The following ACYP2 variants were observed in gnomAD, a reference collection of about 807,000 sequenced individuals.
ACYP2 encodes the protein acylphosphatase-2.
A neutral mutation model predicts 11.2 loss-of-function variants in ACYP2; 12 were observed. That is an observed-to-expected ratio of 1.08 (90% CI 0.69 to 1.74). The LOEUF (loss-of-function observed/expected upper bound fraction) is 1.74. ACYP2 is among the 40% of genes most tolerant of loss of function. ACYP2 has a pLI of 0.00. For synonymous variants in ACYP2, 43 were observed against 32.2 expected, an observed-to-expected ratio of 1.33 and a Z score of -1.13; for missense variants, 134 against 101.9, an observed-to-expected ratio of 1.31 and a Z score of -1.35.
At chr2:54,195,411 A>T (rs7562908) in intron 6 of ACYP2, among the ~76,000 whole-genome samples, 1 of 152,174 alleles carries the variant, frequency 6.6e-6, no homozygotes, top group Non-Finnish European at 1.5e-5. Context: ...CCCTTAAGTA[A>T]GTGTCACTGG....
chr2:54,033,433 G>A (rs1461813304), intron 2 of ACYP2, among the ~76,000 whole-genome samples: 2 of 151,510 alleles, frequency 1.3e-5, no homozygotes, highest in East Asian at 1.9e-4. Flanking sequence ...GGCTGGTCTC[G>A]AACTCTTGGG....
intron 6 of ACYP2, among the ~76,000 whole-genome samples, chr2:54,173,260 T>C (rs1005366264): frequency 1.3e-5 from 2 of 152,240 alleles, no homozygotes; most frequent in African/African-American, 4.8e-5. Context: ...AGATGGTATC[T>C]CATTGTGGTT....
chr2:54,195,932 G>A (rs2103896528), intron 6 of ACYP2, among the ~76,000 whole-genome samples: 1 of 151,178 alleles, frequency 6.6e-6, no homozygotes, highest in African/African-American at 2.4e-5. Flanking sequence ...TGAGTAGCTG[G>A]GATTACAAGC....
At chr2:54,178,428 A>G (rs981087848) in intron 6 of ACYP2, among the ~76,000 whole-genome samples, 3 of 152,192 alleles carry the variant, frequency 2.0e-5, no homozygotes, top group African/African-American at 7.2e-5. Flanking sequence ...GTGACTAAAG[A>G]AACGTATTTT....
intron 4 of ACYP2, 91 bp downstream of exon 1, chr2:54,115,847 T>C (rs1679744198): frequency 2.2e-6 from 3 of 1,376,704 alleles, no homozygotes; most frequent in Non-Finnish European, 2.9e-6. Flanking sequence ...AAGTATGCCT[T>C]TTCCCGTTGT....
chr2:53,989,365 T>C (rs974387968), intron 2 of ACYP2, among the ~76,000 whole-genome samples: 2 of 149,918 alleles, frequency 1.3e-5, no homozygotes, highest in Non-Finnish European at 3.0e-5. Context: ...GCTAGGATTA[T>C]AGGCATGAGC....
chr2:54,257,664 T>C (rs1687616005), intron 6 of ACYP2, among the ~76,000 whole-genome samples: 2 of 152,126 alleles, frequency 1.3e-5, no homozygotes, highest in East Asian at 1.9e-4. Flanking sequence ...AGATTAATAA[T>C]AAAAGGAGAG....
intron 2 of ACYP2, among the ~76,000 whole-genome samples, chr2:54,008,869 C>T (rs758763171): frequency 1.3e-5 from 2 of 152,062 alleles, no homozygotes; most frequent in Non-Finnish European, 2.9e-5. Context: ...ATATTTCAGG[C>T]AGGCTGGGCA....
At chr2:53,973,899 G>GTGTGTGTA in intron 2 of ACYP2, 1 of 83,608 alleles carries the variant, frequency 1.2e-5, no homozygotes, top group East Asian at 2.6e-4. Flanking sequence ...GTGTGTGTGT[G>GTGTGTGTA]TGTATATATT....
At chr2:54,152,361 C>A (rs1295982255) in intron 6 of ACYP2, among the ~76,000 whole-genome samples, 3 of 152,008 alleles carry the variant, frequency 2.0e-5, no homozygotes, top group African/African-American at 7.2e-5. Flanking sequence ...TGGGCTCAAG[C>A]AGTCTTCTCA....
At position 54,145,857 on chromosome 2, in the gene ACYP2, A is replaced by G. The variant is rs545947239; in HGVS notation, c.404+7109A>G. 9.2e-5 allele frequency among the ~76,000 whole-genome samples: 14 copies of G among 152,272 alleles called. No homozygotes were observed. The South Asian group carries it at 2.5e-3, about 27-fold the overall frequency. The stretch of plus-strand genomic sequence containing the variant: ...TGCAAATGTCAAAGTGCATCACACA[A>G]CCTGTCTGTCATGCTTTTTCCTGGA... On this transcript the variant is annotated intron_variant, in intron 6 of 6. Coordinates refer to ENST00000607452, the MANE Select transcript of ACYP2 (RefSeq NM_001320586.2).
chr2:54,150,654 T>C (rs1309791131), intron 6 of ACYP2, among the ~76,000 whole-genome samples: 1 of 152,036 alleles, frequency 6.6e-6, no homozygotes, highest in Non-Finnish European at 1.5e-5. Context: ...ATTCCTGACC[T>C]GGGGTGATCG....
chr2:54,215,454 T>G lies in ACYP2; in HGVS notation c.404+76706T>G, dbSNP rs189679593. Reference sequence around the variant, plus strand: ...CCTGGTTTGTTGAGTGTCTTGGTTATTTTATCAAAAGAACTTAAAAATACA... The same window carrying G: ...CCTGGTTTGTTGAGTGTCTTGGTTAGTTTATCAAAAGAACTTAAAAATACA... On this transcript the variant is annotated intron_variant, in intron 6 of 6. Coordinates refer to ENST00000607452, the MANE Select transcript of ACYP2 (RefSeq NM_001320586.2). Among the ~76,000 whole-genome samples the G allele has an allele frequency of 9.8e-5, 15 of 152,306 alleles. No homozygotes were observed. In the East Asian group the frequency reaches 2.9e-3, roughly 29 times the overall value.
chr2:54,301,389 C>CAA (rs1476047164), intron 6 of ACYP2, among the ~76,000 whole-genome samples: 9 of 152,152 alleles, frequency 5.9e-5, no homozygotes, highest in African/African-American at 2.2e-4. Context: ...CCCCAATTCC[C>CAA]TTCTCCCTTT....
At chr2:54,174,844 T>C (rs1370999498) in intron 6 of ACYP2, among the ~76,000 whole-genome samples, 1 of 152,210 alleles carries the variant, frequency 6.6e-6, no homozygotes, top group Non-Finnish European at 1.5e-5. Flanking sequence ...TTTGTGTATG[T>C]TGAACCAGCC....
At chr2:54,125,819 C>T (rs1033402596) in intron 4 of ACYP2, among the ~76,000 whole-genome samples, 5 of 149,302 alleles carry the variant, frequency 3.3e-5, no homozygotes, top group East Asian at 2.0e-4. Context: ...CAGTGGCTCA[C>T]GCCTGTAATC....
At chr2:54,142,885 T>G (rs1052006093) in intron 6 of ACYP2, 2 of 152,202 alleles carry the variant, frequency 1.3e-5, no homozygotes, top group African/African-American at 4.8e-5. Context: ...GTACTTTTCT[T>G]GCTAAGTTAT....
chr2:54,148,533 A>G (rs781098615), intron 6 of ACYP2, among the ~76,000 whole-genome samples: 24 of 152,178 alleles, frequency 1.6e-4, no homozygotes, highest in Non-Finnish European at 3.2e-4. Context: ...GTCTCGTGGC[A>G]GTTGGAATGA....
intron 4 of ACYP2, among the ~76,000 whole-genome samples, chr2:54,093,997 G>C (rs1019729062): frequency 2.0e-5 from 3 of 152,064 alleles, no homozygotes; most frequent in Non-Finnish European, 4.4e-5. Flanking sequence ...ATTGTGAAGT[G>C]TAAATAAAAT....
Sources: gnomAD v4.1 joint callset for allele counts (sites outside exome capture counted in the v4.1 genomes callset) on GRCh38, gnomAD v4.1.1 for gene constraint, MANE v1.5 for transcripts, NCBI Gene and HGNC (gene_info 2026-07-23, HGNC 2026-07-21) for gene names.